The following GAS7 variants were observed in gnomAD, a reference collection of about 807,000 sequenced individuals.
GAS7 encodes growth arrest specific 7.
A neutral mutation model predicts 71.1 loss-of-function variants in GAS7; 28 were observed. That is an observed-to-expected ratio of 0.39 (90% CI 0.29 to 0.54). The LOEUF (loss-of-function observed/expected upper bound fraction) is 0.54, where lower values mean the gene tolerates loss of function less well. Among genes scored for constraint, GAS7 ranks in the 20% least tolerant of loss-of-function variants. The pLI is 0.62. For synonymous variants in GAS7, 258 were observed against 245.8 expected (o/e 1.05, Z -0.46); for missense variants, 436 against 627.8 (o/e 0.69, Z 3.27).
chr17:9,919,802 T>C lies in GAS7; in HGVS notation c.1139-97A>G, dbSNP rs2152067474. On this transcript the variant is annotated intron_variant, in intron 11 of 13. Coordinates refer to ENST00000432992, the MANE Select transcript of GAS7 (RefSeq NM_201433.2). This position sits in a 1 kb window ranked among gnomAD's most constrained non-coding sequence, Gnocchi z 5.0. ...CCACAGCCAAGCCTTCTCCTCCCCC[T>C]GGGGTCATGGTGGCCGCTGGAAAGC... 2 of 898,534 alleles carry C rather than the reference T, an allele frequency of 2.2e-6. No individual in the cohort carries two copies. The highest frequency in any genetic ancestry group is 1.3e-5 in the South Asian group (1 of 76,474). The allele number at this position is 898,534 out of a possible 1,614,324, so 55.7% of individuals were successfully genotyped here.
chr17:10,042,690 C>T (rs1352869469), intron 1 of GAS7, among the ~76,000 whole-genome samples: 2 of 152,092 alleles, frequency 1.3e-5, no homozygotes, highest in Admixed American at 6.6e-5. Context: ...CAGAGGAGGG[C>T]GAGGTCACTC....
chr17:10,059,958 C>G (rs1225013576), intron 1 of GAS7: 3 of 261,696 alleles, frequency 1.1e-5, no homozygotes, highest in Non-Finnish European at 1.8e-5. Flanking sequence ...TGGGCCCTTT[C>G]CCCCTGAGGG....
At chr17:10,092,563 G>A (rs942372079) in intron 1 of GAS7, among the ~76,000 whole-genome samples, 7 of 152,200 alleles carry the variant, frequency 4.6e-5, no homozygotes, top group East Asian at 3.8e-4. Flanking sequence ...GCAGGTGAGC[G>A]TTCAACAGGT....
Position 10,146,960 on chromosome 17 carries a change from T to TAAAAAAAAAAA in GAS7, c.183+51247_183+51248insTTTTTTTTTTT, listed in dbSNP as rs1252230604. Among the ~76,000 whole-genome samples the TAAAAAAAAAAA allele has an allele frequency of 8.3e-5, 12 of 144,766 alleles. 3 individuals carry two copies. Among genetic ancestry groups the TAAAAAAAAAAA allele is most frequent in the Non-Finnish European group, 1.7e-4 (11 of 65,590 alleles). The allele number at this position is 144,766 out of a possible 152,430, so 95.0% of individuals were successfully genotyped here. ...CGCGCCAGAGCGAGACTCCGTCTCA[T>TAAAAAAAAAAA]AAAAAAAACGATCTCTGTCTTCCTG... On this transcript the variant is annotated intron_variant, in intron 1 of 13. Coordinates refer to ENST00000432992, the MANE Select transcript of GAS7 (RefSeq NM_201433.2).
intron 1 of GAS7, among the ~76,000 whole-genome samples, chr17:10,179,105 G>A (rs975961380): frequency 2.6e-5 from 4 of 152,016 alleles, no homozygotes; most frequent in East Asian, 1.9e-4. Flanking sequence ...TGAGGTGGGC[G>A]GATCACCTGA....
intron 1 of GAS7, among the ~76,000 whole-genome samples, chr17:10,056,839 A>G (rs1467497695): frequency 6.6e-6 from 1 of 151,692 alleles, no homozygotes; most frequent in Non-Finnish European, 1.5e-5. Context: ...TCTGATGCCG[A>G]GCCGAAGCTA....
At chr17:9,938,708 T>G (rs1367435880) in intron 8 of GAS7, among the ~76,000 whole-genome samples, 1 of 152,046 alleles carries the variant, frequency 6.6e-6, no homozygotes, top group South Asian at 2.1e-4. Flanking sequence ...GGACATCTTG[T>G]GGCAGCCCAA....
intron 1 of GAS7, among the ~76,000 whole-genome samples, chr17:10,043,908 G>C (rs1454904476): frequency 1.3e-5 from 2 of 152,272 alleles, no homozygotes; most frequent in East Asian, 3.9e-4. Context: ...ACTCCAGCCT[G>C]GGCAACAGAG....
chr17:9,981,665 G>A lies in GAS7; in HGVS notation c.385+139C>T. ...AACCTGCTTGGCAGCAGGCCTAAGG[G>A]ACCCTCTCCCAGGCCCAACCCCTCC... is the stretch of plus-strand genomic sequence containing the variant. On this transcript the variant is annotated intron_variant, in intron 3 of 13. Coordinates refer to ENST00000432992, the MANE Select transcript of GAS7 (RefSeq NM_201433.2). This position sits in a 1 kb window ranked among gnomAD's most constrained non-coding sequence, Gnocchi z 4.4. 1.5e-6 allele frequency: 1 copy of A among 651,024 alleles called. No individual in the cohort carries two copies. The highest frequency in any genetic ancestry group is 2.4e-5 in the Admixed American group (1 of 42,004). 40.3% of individuals were successfully genotyped at this position (651,024 alleles called of 1,614,324 possible). A position where few individuals can be genotyped will look rare whatever the true frequency, so the allele number is the denominator to read the frequency against.
intron 1 of GAS7, among the ~76,000 whole-genome samples, chr17:10,079,261 AATAAAC>A (rs1278643761): frequency 2.0e-5 from 3 of 152,212 alleles, no homozygotes; most frequent in Admixed American, 6.5e-5. Flanking sequence ...CTTTGATAAA[AATAAAC>A]ATAAACACTG....
chr17:10,109,826 C>T (rs912295770), intron 1 of GAS7, among the ~76,000 whole-genome samples: 5 of 152,026 alleles, frequency 3.3e-5, no homozygotes, highest in South Asian at 2.1e-4. Context: ...GAGGCAGAGG[C>T]GGGTGGATCA....
rs1486895339 is a variant in GAS7, at chr17:9,915,850, G to A, written c.*1378C>T. 1.7e-5 allele frequency: 4 copies of A among 231,708 alleles called. No individual in the cohort carries two copies. Among genetic ancestry groups the A allele is most frequent in the Non-Finnish European group, 2.6e-5 (3 of 117,146 alleles). The allele number at this position is 231,708 out of a possible 1,614,324, so 14.4% of individuals were successfully genotyped here. On this transcript the variant is annotated 3_prime_UTR_variant, in exon 14 of 14. Transcript: ENST00000432992. ...TTTAGACTCTTTAGACTGACATGGTGGAGAATGTGTTTGCTGTGGTAGAGA... is the reference window on the plus strand; with the variant it reads ...TTTAGACTCTTTAGACTGACATGGTAGAGAATGTGTTTGCTGTGGTAGAGA...
intron 1 of GAS7, among the ~76,000 whole-genome samples, chr17:10,148,149 G>T (rs1191583429): frequency 2.0e-5 from 3 of 152,082 alleles, no homozygotes; most frequent in Admixed American, 2.0e-4. Context: ...GAGAAAGAGG[G>T]AGTCAAAAAA....
chr17:10,053,339 C>T (rs1335010513), intron 1 of GAS7, among the ~76,000 whole-genome samples: 1 of 152,082 alleles, frequency 6.6e-6, no homozygotes, highest in Non-Finnish European at 1.5e-5. Flanking sequence ...GTAACTAAAG[C>T]CATTAGAGAG....
chr17:9,939,543 G>A (rs1424971698), intron 8 of GAS7, among the ~76,000 whole-genome samples: 1 of 152,160 alleles, frequency 6.6e-6, no homozygotes, highest in Non-Finnish European at 1.5e-5. Context: ...TCAGACCAGA[G>A]GGGATTCTGA....
chr17:9,943,043 C>T, intron 7 of GAS7, 78 bp downstream of exon 7: 1 of 861,140 alleles, frequency 1.2e-6, no homozygotes, highest in Non-Finnish European at 2.0e-6. Context: ...GAGTCCTGTG[C>T]TGTCGCCCCG....
chr17:10,036,705 G>A (rs377602878), intron 1 of GAS7: 3 of 1,291,076 alleles, frequency 2.3e-6, no homozygotes, highest in Non-Finnish European at 2.0e-6. Flanking sequence ...TGCTTGCTGG[G>A]AAATTAACAA....
intron 2 of GAS7, among the ~76,000 whole-genome samples, chr17:9,998,767 A>G (rs2071149358): frequency 6.6e-6 from 1 of 151,606 alleles, no homozygotes; most frequent in Non-Finnish European, 1.5e-5. Flanking sequence ...AGGACAATCA[A>G]TCTTGGCACC....
intron 1 of GAS7, among the ~76,000 whole-genome samples, chr17:10,090,223 C>T (rs2073567851): frequency 6.6e-6 from 1 of 151,022 alleles, no homozygotes; most frequent in South Asian, 2.1e-4. Context: ...TGTGAGTGTG[C>T]TGTTTTGCAT....
Sources: allele counts gnomAD v4.1 joint callset (sites outside exome capture counted in the v4.1 genomes callset), GRCh38; gene constraint gnomAD v4.1.1; non-coding constraint Gnocchi (gnomAD v3.1); transcripts MANE v1.5; gene names NCBI Gene and HGNC (gene_info 2026-07-23, HGNC 2026-07-21).